AGFG1: variants seen among roughly 807,000 people sequenced by gnomAD.
The protein encoded by AGFG1 is ArfGAP with FG repeats 1.
A neutral mutation model predicts 60.6 loss-of-function variants in AGFG1; 10 were observed. That is an observed-to-expected ratio of 0.16 (90% CI 0.10 to 0.28). The LOEUF (loss-of-function observed/expected upper bound fraction) is 0.28, where lower values mean the gene tolerates loss of function less well. Among genes scored for constraint, AGFG1 ranks in the 10% least tolerant of loss-of-function variants. The pLI is 1.00. For missense variants in AGFG1, 537 were observed against 676.5 expected (o/e 0.79, Z 2.29); for synonymous variants, 247 against 242.9 (o/e 1.02, Z -0.16).
At position 227,533,669 on chromosome 2, in the gene AGFG1, G is replaced by A. The variant is rs1692224882; in HGVS notation, c.935G>A (p.Ser312Asn). The A allele has an allele frequency of 6.2e-7, 1 of 1,613,874 alleles. No individual in the cohort carries two copies. The highest frequency in any genetic ancestry group is 1.3e-5 in the African/African-American group (1 of 75,020). ...SQSHQTASAV[S>N]KVSTNKAGLQ... ...AGTCATCAAACAGCATCAGCTGTTA[G>A]TAAAGTTTCAACGAACAAAGCTGGT... is the stretch of plus-strand genomic sequence containing the variant. Residue 312 changes from serine to asparagine, a missense_variant, in exon 7 of 13, where the codon AGT becomes AAT. Transcript: ENST00000310078.
intron 2 of AGFG1, among the ~76,000 whole-genome samples, chr2:227,507,552 G>A (rs1575082756): frequency 7.6e-6 from 1 of 132,262 alleles, no homozygotes; most frequent in South Asian, 2.5e-4. Flanking sequence ...GCAGTGAGCC[G>A]AGATGGCGCC....
chr2:227,484,505 T>C (rs1690561415), intron 1 of AGFG1, among the ~76,000 whole-genome samples: 1 of 152,110 alleles, frequency 6.6e-6, no homozygotes, highest in Admixed American at 6.6e-5. Context: ...TTGGTAAACA[T>C]ATTATTTGTC....
In AGFG1 at chr2:227,531,227, A is replaced by T. The variant is rs775092057; in HGVS notation, c.814+17A>T. On this transcript the variant is annotated intron_variant, in intron 6 of 12. Transcript: ENST00000310078. ...AAACTACAGGTAGAGCTTCTCCAGC[A>T]TTGTGCTTAAATGTTTACTTTACAA... 6.2e-7 allele frequency: 1 copy of T among 1,609,116 alleles called. No individual in the cohort carries two copies. Among genetic ancestry groups the T allele is most frequent in the Admixed American group, 1.7e-5 (1 of 58,756 alleles).
At chr2:227,501,862 T>C (rs1344560129) in intron 2 of AGFG1, among the ~76,000 whole-genome samples, 1 of 151,498 alleles carries the variant, frequency 6.6e-6, no homozygotes, top group Non-Finnish European at 1.5e-5. Context: ...CCCTCCTTCC[T>C]TTTTTATTTT....
intron 1 of AGFG1, among the ~76,000 whole-genome samples, chr2:227,487,876 C>T (rs1690686978): frequency 6.6e-6 from 1 of 152,152 alleles, no homozygotes; most frequent in Non-Finnish European, 1.5e-5. Flanking sequence ...AATCCATGTA[C>T]AAAGCTTTTG....
intron 5 of AGFG1, among the ~76,000 whole-genome samples, chr2:227,528,457 C>G (rs2106214571): frequency 6.6e-6 from 1 of 152,220 alleles, no homozygotes; most frequent in Middle Eastern, 3.4e-3. Context: ...CCCCCCTGAC[C>G]AGATAAGGAC....
chr2:227,552,282 T>C (rs1248080066), intron 11 of AGFG1, among the ~76,000 whole-genome samples, 165 bp downstream of exon 11: 1 of 152,240 alleles, frequency 6.6e-6, no homozygotes, highest in Non-Finnish European at 1.5e-5. Flanking sequence ...CTCAGAAAGC[T>C]AAGTGATTTT....
At chr2:227,496,126 A>AAAG (rs1217622609) in intron 2 of AGFG1, among the ~76,000 whole-genome samples, 1 of 147,782 alleles carries the variant, frequency 6.8e-6, no homozygotes, top group African/African-American at 2.5e-5. Context: ...AAAAAAAAAG[A>AAAG]AAAAAAAAGA....
chr2:227,534,544 C>T (rs1277701486), intron 7 of AGFG1, among the ~76,000 whole-genome samples: 4 of 152,112 alleles, frequency 2.6e-5, no homozygotes, highest in Admixed American at 1.3e-4. Context: ...AAGATCCACC[C>T]GTCTTGGAGA....
chr2:227,553,532 A>G lies in AGFG1; in HGVS notation c.1538-172A>G, dbSNP rs374211979. ...AAAAAAGGTTATTTTAAGACATGCTACAGTAAGTTTGTCTTTGGTATCTGA... is the reference window on the plus strand; with the variant it reads ...AAAAAAGGTTATTTTAAGACATGCTGCAGTAAGTTTGTCTTTGGTATCTGA... On this transcript the variant is annotated intron_variant, in intron 11 of 12. Transcript: ENST00000310078. Among the ~76,000 whole-genome samples the G allele has an allele frequency of 1.1e-4, 16 of 151,372 alleles. No individual in the cohort carries two copies. In the East Asian group the frequency reaches 2.9e-3, roughly 28 times the overall value.
chr2:227,531,855 C>T (rs986544158), intron 6 of AGFG1, among the ~76,000 whole-genome samples: 1 of 152,014 alleles, frequency 6.6e-6, no homozygotes, highest in Admixed American at 6.6e-5. Context: ...GGGCAACAAG[C>T]CTGAGAAAAA....
intron 2 of AGFG1, among the ~76,000 whole-genome samples, chr2:227,496,441 C>CAAA (rs752316954): frequency 1.1e-4 from 16 of 140,020 alleles, no homozygotes; most frequent in African/African-American, 4.2e-4. Context: ...GACTCCGTCT[C>CAAA]AAAAAAAAAA....
rs1388221185 is a variant in AGFG1, at chr2:227,556,271, G to C, written c.*1776G>C. ...CAATGATGACTGAGTTGTTATCATA[G>C]TATTTTAAAACCTGTATAGTGTTTT... is the stretch of plus-strand genomic sequence containing the variant. On this transcript the variant is annotated 3_prime_UTR_variant, in exon 13 of 13. Coordinates refer to ENST00000310078, the MANE Select transcript of AGFG1 (RefSeq NM_004504.5). The C allele has an allele frequency of 2.0e-5, 3 of 152,262 alleles. No individual in the cohort carries two copies. The East Asian group carries it at 5.8e-4, about 29-fold the overall frequency. 9.4% of individuals were successfully genotyped at this position (152,262 alleles called of 1,614,324 possible). A position where few individuals can be genotyped will look rare whatever the true frequency, so the allele number is the denominator to read the frequency against.
At position 227,556,955 on chromosome 2, in the gene AGFG1, A is replaced by T. The variant is rs1443758973; in HGVS notation, c.*2460A>T. 2.0e-5 allele frequency: 3 copies of T among 152,118 alleles called. No homozygotes were observed. Among genetic ancestry groups the T allele is most frequent in the Non-Finnish European group, 4.4e-5 (3 of 68,034 alleles). 9.4% of individuals were successfully genotyped at this position (152,118 alleles called of 1,614,324 possible). On this transcript the variant is annotated 3_prime_UTR_variant, in exon 13 of 13. Transcript: ENST00000310078. ...CTCTAAAAAATGAAAAAAAGAAGAG[A>T]GGTAGCTTTAAAGTGGTTTTTCTCA...
chr2:227,487,001 A>G (rs1324105126), intron 1 of AGFG1, among the ~76,000 whole-genome samples: 2 of 152,224 alleles, frequency 1.3e-5, no homozygotes, highest in African/African-American at 4.8e-5. Flanking sequence ...GTCAAAGTTA[A>G]GAAGCCTTGA....
At chr2:227,493,737 C>T (rs1690890179) in intron 2 of AGFG1, among the ~76,000 whole-genome samples, 1 of 152,166 alleles carries the variant, frequency 6.6e-6, no homozygotes, top group Non-Finnish European at 1.5e-5. Context: ...ATGTGTTACA[C>T]CGGCTTAGTG....
At chr2:227,536,295 T>C (rs1692311542) in intron 8 of AGFG1, among the ~76,000 whole-genome samples, 1 of 152,030 alleles carries the variant, frequency 6.6e-6, no homozygotes, top group African/African-American at 2.4e-5. Context: ...CCTTGTGATA[T>C]AGTTTGCTTA....
At chr2:227,497,767 C>T (rs188702571) in intron 2 of AGFG1, among the ~76,000 whole-genome samples, 878 of 71,844 alleles carry the variant, frequency 0.012, 17 homozygotes, top group Non-Finnish European at 0.017. Context: ...TTTTTGGGGA[C>T]GGAGTCTTAC....
rs1691026411 is a variant in AGFG1, at chr2:227,497,760, T to C, written c.261+6120T>C. On this transcript the variant is annotated intron_variant, in intron 2 of 12. Coordinates refer to ENST00000310078, the MANE Select transcript of AGFG1 (RefSeq NM_004504.5). The stretch of plus-strand genomic sequence containing the variant: ...GTTTTTTTTTTTTTTTTTTTTTTTT[T>C]TGGGGACGGAGTCTTACTCTGTCGC... 8.8e-5 allele frequency among the ~76,000 whole-genome samples: 6 copies of C among 68,084 alleles called. No individual in the cohort carries two copies. The South Asian group carries it at 3.1e-3, about 35-fold the overall frequency. The allele number at this position is 68,084 out of a possible 152,430, so 44.7% of individuals were successfully genotyped here.
Sources: gnomAD v4.1 joint callset for allele counts (sites outside exome capture counted in the v4.1 genomes callset) on GRCh38, gnomAD v4.1.1 for gene constraint, MANE v1.5 for transcripts, NCBI Gene and HGNC (gene_info 2026-07-23, HGNC 2026-07-21) for gene names.